The following DNAH2 variants were observed in gnomAD, a reference collection of about 807,000 sequenced individuals.
DNAH2 encodes dynein axonemal heavy chain 2.
DNAH2 carries 323 observed loss-of-function variants against 523.5 expected under a neutral mutation model. That is an observed-to-expected ratio of 0.62 (90% CI 0.56 to 0.68). The LOEUF (loss-of-function observed/expected upper bound fraction) is 0.68. DNAH2 is among the 30% of genes least tolerant of loss of function. The pLI is 0.00. For missense variants in DNAH2, 4,907 were observed against 5,701.5 expected, an observed-to-expected ratio of 0.86 and a Z score of 4.49; for synonymous variants, 2,093 against 2,177.4, an observed-to-expected ratio of 0.96 and a Z score of 1.08.
rs775599881 is a variant in DNAH2, at chr17:7,781,101, CCT to C, written c.6064_6065del (p.Leu2022ValfsTer13). ...IAKLTSVDAP[L>X]FNAIVQDLFP... ...CCAAGCTCACTTCAGTTGATGCACC[CCT>C]GTTCAATGCCATCGTGCAAGATCTG... On this transcript the variant is annotated frameshift_variant, in exon 39 of 86. Coordinates refer to ENST00000572933, the MANE Select transcript of DNAH2 (RefSeq NM_020877.5). LOFTEE classifies it high-confidence loss of function. The C allele has an allele frequency of 5.6e-6, 9 of 1,614,226 alleles. No homozygotes were observed. The East Asian group carries it at 2.0e-4, about 36-fold the overall frequency.
intron 45 of DNAH2, 91 bp from the exon 46 acceptor site, chr17:7,792,161 C>G (rs2151273364): frequency 1.9e-6 from 3 of 1,600,590 alleles, no homozygotes; most frequent in Non-Finnish European, 2.6e-6. Flanking sequence ...TTCCCTCTCT[C>G]TTTCTTCCAC....
intron 3 of DNAH2, among the ~76,000 whole-genome samples, chr17:7,726,465 G>A (rs1259818837): frequency 6.6e-6 from 1 of 151,408 alleles, no homozygotes; most frequent in Non-Finnish European, 1.5e-5. Flanking sequence ...CACCACGCCC[G>A]GCTAATTTTG....
intron 44 of DNAH2, among the ~76,000 whole-genome samples, chr17:7,788,930 C>T (rs926310874): frequency 5.9e-5 from 9 of 152,090 alleles, no homozygotes; most frequent in Admixed American, 3.9e-4. Context: ...TTTGGGAGGC[C>T]GAGGTGGGTG....
Position 7,731,375 on chromosome 17 carries a change from T to C in DNAH2, c.400-1712T>C, listed in dbSNP as rs1041602186. 5.3e-5 allele frequency among the ~76,000 whole-genome samples: 8 copies of C among 152,068 alleles called. No homozygotes were observed. The South Asian group carries it at 1.0e-3, about 20-fold the overall frequency. ...TTCTTACCACCATAGAAAGGGATCC[T>C]TTGGGAAGAAACCTCTCTTCTGGAT... On this transcript the variant is annotated intron_variant, in intron 4 of 85. Coordinates refer to ENST00000572933, the MANE Select transcript of DNAH2 (RefSeq NM_020877.5).
chr17:7,737,333 C>T (rs548262120), intron 8 of DNAH2, 75 bp downstream of exon 8: 12 of 1,469,878 alleles, frequency 8.2e-6, no homozygotes, highest in African/African-American at 4.2e-5. Flanking sequence ...GGAATGCATT[C>T]GGCAGAGGAT....
Position 7,766,312 on chromosome 17 carries a change from C to T in DNAH2, c.3512-6C>T. Reference sequence around the variant, plus strand: ...GAAGCTGAGCTTCATCCTGAATCCTCCACAGGCCATTTCACCAGCAACGTG... The same window carrying T: ...GAAGCTGAGCTTCATCCTGAATCCTTCACAGGCCATTTCACCAGCAACGTG... On this transcript the variant is annotated splice_polypyrimidine_tract_variant and splice_region_variant and intron_variant, in intron 21 of 85. Transcript: ENST00000572933. 6.2e-7 allele frequency: 1 copy of T among 1,612,822 alleles called. No individual in the cohort carries two copies.
At position 7,832,779 on chromosome 17, in the gene DNAH2, G is replaced by A; in HGVS notation, c.12903+24G>A. On this transcript the variant is annotated intron_variant, in intron 83 of 85. Transcript: ENST00000572933. The surrounding 1 kb of genome is among the most constrained non-coding windows in gnomAD (Gnocchi z 4.3). ...ACGTGAGCAATGTGCAAAGTGTGAG[G>A]GGGGGATGTATGCTGGGGCCATGTA... The A allele has an allele frequency of 6.2e-7, 1 of 1,614,110 alleles. No homozygotes were observed. The highest frequency in any genetic ancestry group is 8.5e-7 in the Non-Finnish European group (1 of 1,180,012).
chr17:7,757,060 C>G (rs780780819), intron 12 of DNAH2, 31 bp from the exon 13 acceptor site: 12 of 1,612,988 alleles, frequency 7.4e-6, no homozygotes, highest in African/African-American at 1.3e-5. Context: ...CTCGTGCGGT[C>G]CCCTCACTGC....
chr17:7,820,202 A>G (rs2077815900), intron 72 of DNAH2, among the ~76,000 whole-genome samples: 1 of 151,844 alleles, frequency 6.6e-6, no homozygotes, highest in Non-Finnish European at 1.5e-5. Flanking sequence ...CCATCTTCCC[A>G]CTGCTTGGCT....
chr17:7,779,552 A>G (rs988545111), intron 36 of DNAH2, 129 bp downstream of exon 36: 37 of 1,032,370 alleles, frequency 3.6e-5, no homozygotes, highest in South Asian at 3.3e-5. Context: ...GGCTAAAGAT[A>G]GCAAAGGGGA....
chr17:7,778,630 ATGATCTCGGTTCACTGCAACCTT>A (rs1218915874), intron 35 of DNAH2, among the ~76,000 whole-genome samples, 161 bp downstream of exon 35: 1 of 152,066 alleles, frequency 6.6e-6, no homozygotes, highest in Non-Finnish European at 1.5e-5. Flanking sequence ...GTGCAGTGGC[ATGATCTCGGTTCACTGCAACCTT>A]TGCCTGCTGG....
chr17:7,808,605 C>G (rs909131370), intron 63 of DNAH2, among the ~76,000 whole-genome samples: 6 of 152,170 alleles, frequency 3.9e-5, no homozygotes, highest in Admixed American at 2.6e-4. Context: ...CTTCTGTTCT[C>G]TAGTCACCAG....
At chr17:7,824,081 T>C (rs1281324547) in intron 75 of DNAH2, 40 bp from the exon 76 acceptor site, 6 of 1,568,938 alleles carry the variant, frequency 3.8e-6, no homozygotes, top group Admixed American at 1.7e-5. Flanking sequence ...ACTTTGGTCA[T>C]GTGGCCTTCT....
At chr17:7,823,303 A>AG in intron 73 of DNAH2, 139 bp from the exon 74 acceptor site, 1 of 870,790 alleles carries the variant, frequency 1.1e-6, no homozygotes, top group African/African-American at 1.7e-5. Flanking sequence ...TCAAAAAAAA[A>AG]AAAAAAATTC....
rs779488461 is a variant in DNAH2 at position 7,821,648 on chromosome 17, G to A, written c.11142+279G>A. ...TGCCGCTTTTTTACTGCCTTTCAAGGCACTCCTTCCCCAGCCTGAGTTCCA... is the reference window on the plus strand; with the variant it reads ...TGCCGCTTTTTTACTGCCTTTCAAGACACTCCTTCCCCAGCCTGAGTTCCA... On this transcript the variant is annotated intron_variant, in intron 73 of 85. Transcript: ENST00000572933. This position sits in a 1 kb window ranked among gnomAD's most constrained non-coding sequence, Gnocchi z 5.0. Among the ~76,000 whole-genome samples the A allele has an allele frequency of 6.6e-6, 1 of 152,030 alleles. No homozygotes were observed. The highest frequency in any genetic ancestry group is 1.5e-5 in the Non-Finnish European group (1 of 67,994).
Position 7,830,715 on chromosome 17 carries a change from G to A in DNAH2, c.12103G>A (p.Ala4035Thr), listed in dbSNP as rs1248429749. The change falls in exon 79 of 86, where the codon GCA (alanine) becomes ACA (threonine). Residue 4035 changes from alanine (A) to threonine (T), a missense_variant. Around this residue, in one of 3 missense-constraint regions of DNAH2, gnomAD observed 1,851 missense variants for 2,139.4 expected, o/e 0.87. Coordinates refer to ENST00000572933, the MANE Select transcript of DNAH2 (RefSeq NM_020877.5). Reference sequence around the variant, plus strand: ...TGAGTACGAGGAGACACCTTGGGACGCACTTAAGTACCTCATTGCCGGCAT... The same window carrying A: ...TGAGTACGAGGAGACACCTTGGGACACACTTAAGTACCTCATTGCCGGCAT... ...LDEYEETPWD[A>T]LKYLIAGINY... The A allele has an allele frequency of 9.3e-6, 15 of 1,614,086 alleles. No individual in the cohort carries two copies. In the East Asian group the frequency reaches 1.3e-4, roughly 14 times the overall value.
chr17:7,812,829 G>C (rs1345639743), intron 63 of DNAH2, among the ~76,000 whole-genome samples: 1 of 138,446 alleles, frequency 7.2e-6, no homozygotes, highest in Non-Finnish European at 1.5e-5. Flanking sequence ...TGTAATCCTA[G>C]CTACTAGGGA....
chr17:7,768,712 G>A lies in DNAH2; in HGVS notation c.3941+445G>A, dbSNP rs148877248. 3.9e-5 allele frequency among the ~76,000 whole-genome samples: 6 copies of A among 152,146 alleles called. No individual in the cohort carries two copies. In the East Asian group the frequency reaches 1.2e-3, roughly 29 times the overall value. ...CCGAACTTTCCACCTACCACCCCCAGCCCCTGGTAACCAGCACTCGACTCT... is the reference window on the plus strand; with the variant it reads ...CCGAACTTTCCACCTACCACCCCCAACCCCTGGTAACCAGCACTCGACTCT... On this transcript the variant is annotated intron_variant, in intron 24 of 85. Transcript: ENST00000572933.
intron 48 of DNAH2, among the ~76,000 whole-genome samples, chr17:7,794,020 A>C (rs756130507): frequency 6.6e-6 from 1 of 152,204 alleles, no homozygotes; most frequent in Non-Finnish European, 1.5e-5. Context: ...TAAGGATGAA[A>C]TACAGACAAA....
Sources: allele counts gnomAD v4.1 joint callset (sites outside exome capture counted in the v4.1 genomes callset), GRCh38; gene constraint gnomAD v4.1.1; regional missense constraint gnomAD v4.1.1; non-coding constraint Gnocchi (gnomAD v3.1); transcripts MANE v1.5; gene names NCBI Gene and HGNC (gene_info 2026-07-23, HGNC 2026-07-21).